KCNIP1: variants seen among roughly 807,000 people sequenced by gnomAD.
KCNIP1 encodes the protein A-type potassium channel modulatory protein KCNIP1.
KCNIP1 carries 18 observed loss-of-function variants against 33.0 expected under a neutral mutation model. That is an observed-to-expected ratio of 0.55 (90% CI 0.38 to 0.81). The LOEUF is 0.81. KCNIP1 is among the 30% of genes least tolerant of loss of function. The pLI is 0.00. For missense variants in KCNIP1, 238 were observed against 271.6 expected, an observed-to-expected ratio of 0.88 and a Z score of 0.87; for synonymous variants, 93 against 98.3, an observed-to-expected ratio of 0.95 and a Z score of 0.32.
Position 170,401,800 on chromosome 5 carries a change from T to C in KCNIP1, c.88+47836T>C, listed in dbSNP as rs190246278. 1.7e-3 allele frequency among the ~76,000 whole-genome samples: 265 copies of C among 152,192 alleles called. 3 individuals are homozygous for C. The highest frequency in any genetic ancestry group is 0.014 in the Middle Eastern group (4 of 294). Reference sequence around the variant, plus strand: ...CCCTCATAATTTACTGAGTGCCTTCTTCATGCCAGGCCCTGCACTAGGCCT... The same window carrying C: ...CCCTCATAATTTACTGAGTGCCTTCCTCATGCCAGGCCCTGCACTAGGCCT... On this transcript the variant is annotated intron_variant, in intron 1 of 7. Transcript: ENST00000377360.
intron 1 of KCNIP1, among the ~76,000 whole-genome samples, chr5:170,605,587 C>T (rs58737831): frequency 6.6e-6 from 1 of 151,942 alleles, no homozygotes; most frequent in South Asian, 2.1e-4. Context: ...ACTCCCCATT[C>T]CCACCTCCCC....
intron 1 of KCNIP1, among the ~76,000 whole-genome samples, chr5:170,424,581 G>T (rs1242470806): frequency 6.6e-6 from 1 of 152,134 alleles, no homozygotes; most frequent in Non-Finnish European, 1.5e-5. Flanking sequence ...TAGGGGTGGG[G>T]CAGGGTAGAT....
intron 1 of KCNIP1, among the ~76,000 whole-genome samples, chr5:170,417,327 A>T (rs1373106854): frequency 6.6e-6 from 1 of 152,222 alleles, no homozygotes; most frequent in African/African-American, 2.4e-5. Context: ...TACAATGAAC[A>T]TGTACTACAT....
At chr5:170,484,749 C>T (rs975008510) in intron 1 of KCNIP1, among the ~76,000 whole-genome samples, 4 of 150,828 alleles carry the variant, frequency 2.7e-5, no homozygotes, top group Non-Finnish European at 5.9e-5. Flanking sequence ...GGCTCCTTTT[C>T]GCCCTTTGCC....
At chr5:170,497,732 G>T (rs1757336420) in intron 1 of KCNIP1, among the ~76,000 whole-genome samples, 1 of 152,192 alleles carries the variant, frequency 6.6e-6, no homozygotes, top group Non-Finnish European at 1.5e-5. Flanking sequence ...CTGGTCTCCA[G>T]AAATATCCTT....
chr5:170,687,495 G>A (rs571665043), intron 1 of KCNIP1, among the ~76,000 whole-genome samples: 16 of 152,270 alleles, frequency 1.1e-4, no homozygotes, highest in African/African-American at 3.6e-4. Context: ...CCAAACCTAA[G>A]TAAATGTTTT....
intron 3 of KCNIP1, 110 bp downstream of exon 3, chr5:170,720,500 C>T (rs1763781987): frequency 3.5e-6 from 3 of 846,866 alleles, no homozygotes; most frequent in Non-Finnish European, 4.0e-6. Flanking sequence ...GAGGAAGAGA[C>T]AAACTCAGGG....
chr5:170,599,923 T>G (rs932334788), intron 1 of KCNIP1, among the ~76,000 whole-genome samples: 1 of 152,254 alleles, frequency 6.6e-6, no homozygotes, highest in African/African-American at 2.4e-5. Flanking sequence ...CTGCCTATTC[T>G]GTTTAGGAGA....
At chr5:170,677,047 G>A (rs1396691727) in intron 1 of KCNIP1, among the ~76,000 whole-genome samples, 2 of 152,116 alleles carry the variant, frequency 1.3e-5, no homozygotes, top group African/African-American at 4.8e-5. Context: ...CAGACTATAC[G>A]TACTCAATAT....
At chr5:170,513,648 A>G (rs1178404222) in intron 1 of KCNIP1, among the ~76,000 whole-genome samples, 1 of 152,238 alleles carries the variant, frequency 6.6e-6, no homozygotes, top group Non-Finnish European at 1.5e-5. Context: ...GGGCCAGAAC[A>G]GGGTGCAGGA....
intron 1 of KCNIP1, among the ~76,000 whole-genome samples, chr5:170,634,953 C>G (rs897599902): frequency 6.6e-6 from 1 of 152,190 alleles, no homozygotes; most frequent in Non-Finnish European, 1.5e-5. Flanking sequence ...GCTGTGTGGC[C>G]TCAGCCAGGT....
At chr5:170,387,669 C>G (rs1019329117) in intron 1 of KCNIP1, among the ~76,000 whole-genome samples, 2 of 152,218 alleles carry the variant, frequency 1.3e-5, no homozygotes, top group Non-Finnish European at 2.9e-5. Flanking sequence ...TTATTCAACT[C>G]TTTTTATTCA....
intron 5 of KCNIP1, among the ~76,000 whole-genome samples, chr5:170,723,397 C>A (rs773999102): frequency 2.6e-5 from 4 of 152,008 alleles, no homozygotes; most frequent in Non-Finnish European, 5.9e-5. Context: ...CAGTGAAATA[C>A]CCTCAGGTCT....
intron 3 of KCNIP1, among the ~76,000 whole-genome samples, chr5:170,720,832 A>G (rs1404177583): frequency 1.3e-5 from 2 of 152,260 alleles, no homozygotes; most frequent in Non-Finnish European, 1.5e-5. Context: ...TAGCTGAGAC[A>G]AGCTGGAATT....
intron 1 of KCNIP1, among the ~76,000 whole-genome samples, chr5:170,631,446 C>G (rs541040985): frequency 1.6e-4 from 24 of 152,098 alleles, no homozygotes; most frequent in Non-Finnish European, 3.1e-4. Flanking sequence ...TGACTGGACT[C>G]TGCCATTCTC....
intron 1 of KCNIP1, among the ~76,000 whole-genome samples, chr5:170,507,815 G>A (rs1027317826): frequency 6.6e-6 from 1 of 152,196 alleles, no homozygotes; most frequent in African/African-American, 2.4e-5. Context: ...CCATGCCACT[G>A]AATAAAAATA....
intron 1 of KCNIP1, among the ~76,000 whole-genome samples, chr5:170,410,326 G>A (rs1181847778): frequency 1.3e-5 from 2 of 149,272 alleles, no homozygotes; most frequent in East Asian, 3.9e-4. Context: ...CAGTGAAGGT[G>A]TACCAGGTCC....
chr5:170,358,266 C>CGG (rs1763400670), intron 1 of KCNIP1, among the ~76,000 whole-genome samples: 1 of 152,090 alleles, frequency 6.6e-6, no homozygotes, highest in East Asian at 1.9e-4. Context: ...CATGAGGCTG[C>CGG]GGGGGTGGGG....
chr5:170,645,518 T>TA (rs1357272011), intron 1 of KCNIP1, among the ~76,000 whole-genome samples: 1 of 152,178 alleles, frequency 6.6e-6, no homozygotes, highest in Non-Finnish European at 1.5e-5. Context: ...AGTCAACTGT[T>TA]ACACTTGGAG....
Sources: gnomAD v4.1 joint callset for allele counts (sites outside exome capture counted in the v4.1 genomes callset) on GRCh38, gnomAD v4.1.1 for gene constraint, MANE v1.5 for transcripts, NCBI Gene and HGNC (gene_info 2026-07-23, HGNC 2026-07-21) for gene names.